Variants in GALNT5 observed in about 807,000 individuals in gnomAD.
GALNT5 encodes polypeptide N-acetylgalactosaminyltransferase 5.
Under a neutral mutation model 85.4 loss-of-function variants are expected in GALNT5, and 72 were observed. The ratio of observed to expected loss-of-function variants is 0.84; its 90% CI spans 0.70 to 1.03. The LOEUF (loss-of-function observed/expected upper bound fraction) is 1.03, where lower values mean the gene tolerates loss of function less well. GALNT5 is among the 50% of genes least tolerant of loss of function. The pLI is 0.00. For synonymous variants in GALNT5, 404 were observed against 397.0 expected, an observed-to-expected ratio of 1.02 and a Z score of -0.21; for missense variants, 1,137 against 1,135.5, an observed-to-expected ratio of 1.00 and a Z score of -0.02.
In GALNT5 at chr2:157,258,318, G is replaced by A. The variant is rs142296819; in HGVS notation, c.236G>A (p.Arg79Lys). The change falls in exon 1 of 10, where the codon AGG (arginine) becomes AAG (lysine). Residue 79 changes from arginine to lysine, a missense_variant. Transcript: ENST00000259056. ...ATAAAAGAGATGAAACCTCCCCTAA[G>A]GGGACATGGGAAAGGGGCATGGGGC... is the stretch of plus-strand genomic sequence containing the variant. ...SSIKEMKPPL[R>K]GHGKGAWGKE... 2.3e-5 allele frequency: 36 copies of A among 1,597,816 alleles called. No homozygotes were observed. In the African/African-American group the frequency reaches 3.1e-4, roughly 14 times the overall value.
chr2:157,296,776 A>G (rs1669416717), intron 5 of GALNT5, among the ~76,000 whole-genome samples: 1 of 152,224 alleles, frequency 6.6e-6, no homozygotes, highest in Non-Finnish European at 1.5e-5. Flanking sequence ...TTGCAACCTA[A>G]GAAACACAAA....
chr2:157,278,186 G>T (rs1312682735), intron 1 of GALNT5, among the ~76,000 whole-genome samples: 1 of 152,206 alleles, frequency 6.6e-6, no homozygotes, highest in Non-Finnish European at 1.5e-5. Flanking sequence ...TCTGCCGAGA[G>T]ATCCACCATT....
At chr2:157,285,274 G>C (rs1244885710) in intron 2 of GALNT5, among the ~76,000 whole-genome samples, 2 of 152,196 alleles carry the variant, frequency 1.3e-5, no homozygotes, top group African/African-American at 2.4e-5. Context: ...ATAAAATGTG[G>C]CCTTGGAAGC....
At chr2:157,291,629 A>AACCCCCCC (rs1683101293) in intron 3 of GALNT5, among the ~76,000 whole-genome samples, 1 of 60,712 alleles carries the variant, frequency 1.6e-5, no homozygotes, top group African/African-American at 4.7e-5. Context: ...TTATGTTACC[A>AACCCCCCC]CCCACCCCCC....
chr2:157,272,002 G>A (rs1227226165), intron 1 of GALNT5, among the ~76,000 whole-genome samples: 1 of 152,142 alleles, frequency 6.6e-6, no homozygotes, highest in Admixed American at 6.5e-5. Context: ...GCCAGTGAAT[G>A]ATGGGTGAAA....
At chr2:157,308,100 A>G (rs1683491694) in intron 8 of GALNT5, among the ~76,000 whole-genome samples, 1 of 152,156 alleles carries the variant, frequency 6.6e-6, no homozygotes, top group Non-Finnish European at 1.5e-5. Context: ...TCTCCACCCA[A>G]GAAATTTAGG....
intron 1 of GALNT5, among the ~76,000 whole-genome samples, chr2:157,260,156 G>A (rs534104791): frequency 6.6e-6 from 1 of 152,194 alleles, no homozygotes; most frequent in Non-Finnish European, 1.5e-5. Context: ...ATCAGTCCAT[G>A]ACCAGCAAAC....
At position 157,308,815 on chromosome 2, in the gene GALNT5, G is replaced by A. The variant is rs781291498; in HGVS notation, c.2682+87G>A. The A allele has an allele frequency of 1.4e-4, 149 of 1,050,810 alleles. 1 individual carries two copies. Among genetic ancestry groups the A allele is most frequent in the Non-Finnish European group, 2.0e-4 (142 of 716,546 alleles). 65.1% of individuals were successfully genotyped at this position (1,050,810 alleles called of 1,614,324 possible). On this transcript the variant is annotated intron_variant, in intron 9 of 9. Transcript: ENST00000259056. ...AAAATTCTCATTGTCACCTTCCTCAGTCAGAAGTTTTGTGTGTTTGTGACC... is the reference window on the plus strand; with the variant it reads ...AAAATTCTCATTGTCACCTTCCTCAATCAGAAGTTTTGTGTGTTTGTGACC...
chr2:157,304,544 T>C (rs1387108617), intron 7 of GALNT5, among the ~76,000 whole-genome samples: 2 of 152,222 alleles, frequency 1.3e-5, no homozygotes, highest in Non-Finnish European at 2.9e-5. Context: ...GTTTTCTCCC[T>C]TTGCTAATGG....
chr2:157,264,469 T>C (rs1310788257), intron 1 of GALNT5, among the ~76,000 whole-genome samples: 13 of 152,134 alleles, frequency 8.5e-5, no homozygotes, highest in Admixed American at 8.5e-4. Context: ...CTTAATTTAA[T>C]GCTTTGCTTT....
chr2:157,311,542 C>T lies in GALNT5; in HGVS notation c.*194C>T, dbSNP rs1187175451. On this transcript the variant is annotated 3_prime_UTR_variant, in exon 10 of 10. Coordinates refer to ENST00000259056, the MANE Select transcript of GALNT5 (RefSeq NM_014568.3). ...AAACAGTCCAACATTGGACTGAAGT[C>T]CTTCTTCGGAACTGGGTGGCCTTTG... 5 of 474,648 alleles carry T rather than the reference C, an allele frequency of 1.1e-5. No individual in the cohort carries two copies. The highest frequency in any genetic ancestry group is 4.2e-5 in the Admixed American group (1 of 24,016). The allele number at this position is 474,648 out of a possible 1,614,324, so 29.4% of individuals were successfully genotyped here.
chr2:157,276,362 G>A (rs530331278), intron 1 of GALNT5, among the ~76,000 whole-genome samples: 1 of 152,052 alleles, frequency 6.6e-6, no homozygotes, highest in Non-Finnish European at 1.5e-5. Context: ...GAGGATTCCT[G>A]CTTTTTGTAT....
At chr2:157,301,871 G>C (rs1268210155) in intron 7 of GALNT5, among the ~76,000 whole-genome samples, 2 of 152,156 alleles carry the variant, frequency 1.3e-5, no homozygotes, top group Non-Finnish European at 2.9e-5. Flanking sequence ...TATCCAAAGG[G>C]AAGAAGCTAA....
chr2:157,304,242 C>T (rs985400656), intron 7 of GALNT5, among the ~76,000 whole-genome samples: 3 of 152,110 alleles, frequency 2.0e-5, no homozygotes, highest in Non-Finnish European at 4.4e-5. Flanking sequence ...TTGTGATGCC[C>T]ACATTTACTA....
chr2:157,308,839 C>T lies in GALNT5; in HGVS notation c.2682+111C>T, dbSNP rs1683509803. ...AGTCAGAAGTTTTGTGTGTTTGTGACCATGGGATTATGTAAAAGTTCATTC... is the reference window on the plus strand; with the variant it reads ...AGTCAGAAGTTTTGTGTGTTTGTGATCATGGGATTATGTAAAAGTTCATTC... On this transcript the variant is annotated intron_variant, in intron 9 of 9. Coordinates refer to ENST00000259056, the MANE Select transcript of GALNT5 (RefSeq NM_014568.3). 1.3e-5 allele frequency: 10 copies of T among 785,502 alleles called. 1 individual carries two copies. Among genetic ancestry groups the T allele is most frequent in the Non-Finnish European group, 2.0e-6 (1 of 496,228 alleles). The allele number at this position is 785,502 out of a possible 1,614,324, so 48.7% of individuals were successfully genotyped here. A position where few individuals can be genotyped will look rare whatever the true frequency, so the allele number is the denominator to read the frequency against.
intron 7 of GALNT5, chr2:157,302,390 G>A (rs996522391): frequency 3.3e-5 from 5 of 152,100 alleles, no homozygotes; most frequent in Non-Finnish European, 2.9e-5. Context: ...AAGTTTATGT[G>A]ACCTGTTTTT....
chr2:157,290,701 T>C (rs1343810019), intron 3 of GALNT5, among the ~76,000 whole-genome samples: 1 of 152,010 alleles, frequency 6.6e-6, no homozygotes, highest in African/African-American at 2.4e-5. Flanking sequence ...ATTTGCCCTT[T>C]AGGACTCAAA....
At chr2:157,310,553 T>C (rs1683547862) in intron 9 of GALNT5, among the ~76,000 whole-genome samples, 1 of 152,188 alleles carries the variant, frequency 6.6e-6, no homozygotes, top group African/African-American at 2.4e-5. Context: ...ATTAAGATTG[T>C]CTTTGTCATA....
At chr2:157,279,052 T>TTAG (rs1682799410) in intron 1 of GALNT5, among the ~76,000 whole-genome samples, 1 of 152,236 alleles carries the variant, frequency 6.6e-6, no homozygotes, top group Non-Finnish European at 1.5e-5. Context: ...TGTTTGTTAG[T>TTAG]TTTCCTTCTA....
Sources: allele counts gnomAD v4.1 joint callset (sites outside exome capture counted in the v4.1 genomes callset), GRCh38; gene constraint gnomAD v4.1.1; transcripts MANE v1.5; gene names NCBI Gene and HGNC (gene_info 2026-07-23, HGNC 2026-07-21).